SLC39A10: variants seen among roughly 807,000 people sequenced by gnomAD.
The protein encoded by SLC39A10 is solute carrier family 39 member 10.
Under a neutral mutation model 65.1 loss-of-function variants are expected in SLC39A10, and 13 were observed. The ratio of observed to expected loss-of-function variants is 0.20; its 90% CI spans 0.13 to 0.32. SLC39A10 has a LOEUF of 0.32. SLC39A10 is among the 10% of genes least tolerant of loss of function. SLC39A10 has a pLI of 1.00. For missense variants in SLC39A10, 831 were observed against 1,018.4 expected, an observed-to-expected ratio of 0.82 and a Z score of 2.50; for synonymous variants, 321 against 342.2, an observed-to-expected ratio of 0.94 and a Z score of 0.68.
Position 195,735,336 on chromosome 2 carries a change from CTT to C in SLC39A10, c.*297_*298del, listed in dbSNP as rs1692556543. 3 of 208,308 alleles carry C rather than the reference CTT, an allele frequency of 1.4e-5. No homozygotes were observed. Among genetic ancestry groups the C allele is most frequent in the East Asian group, 1.0e-4 (1 of 9,646 alleles). 12.9% of individuals were successfully genotyped at this position (208,308 alleles called of 1,614,324 possible). A position where few individuals can be genotyped will look rare whatever the true frequency, so the allele number is the denominator to read the frequency against. On this transcript the variant is annotated 3_prime_UTR_variant, in exon 10 of 10. Coordinates refer to ENST00000359634, the MANE Select transcript of SLC39A10 (RefSeq NM_020342.3). ...AAATAATCATATAAAACACTAGTCTCTTTATTAGTAGAAACTTCTGTGGCTAT... is the reference window on the plus strand; with the variant it reads ...AAATAATCATATAAAACACTAGTCTCTATTAGTAGAAACTTCTGTGGCTAT...
intron 2 of SLC39A10, among the ~76,000 whole-genome samples, chr2:195,629,147 G>A (rs1009412781): frequency 2.0e-5 from 3 of 152,078 alleles, no homozygotes; most frequent in Non-Finnish European, 4.4e-5. Flanking sequence ...CCAGCACTTT[G>A]GGAGGCCAAG....
In SLC39A10 at chr2:195,737,200, G is replaced by GTA. The variant is rs573068911; in HGVS notation, c.*2162_*2163dup. The GTA allele has an allele frequency of 6.6e-6, 1 of 152,612 alleles. No homozygotes were observed. Among genetic ancestry groups the GTA allele is most frequent in the Non-Finnish European group, 1.5e-5 (1 of 68,026 alleles). The allele number at this position is 152,612 out of a possible 1,614,324, so 9.5% of individuals were successfully genotyped here. A position where few individuals can be genotyped will look rare whatever the true frequency, so the allele number is the denominator to read the frequency against. ...TATTAGGGTTCCACATCATTCTAAT[G>GTA]TATAGTTTCAAGTCTTAATAGACAA... On this transcript the variant is annotated 3_prime_UTR_variant, in exon 10 of 10. Coordinates refer to ENST00000359634, the MANE Select transcript of SLC39A10 (RefSeq NM_020342.3).
At chr2:195,620,264 C>G (rs544905436) in intron 2 of SLC39A10, among the ~76,000 whole-genome samples, 1 of 152,176 alleles carries the variant, frequency 6.6e-6, no homozygotes, top group South Asian at 2.1e-4. Context: ...GGAGAACATT[C>G]AAAGAGCAAC....
At chr2:195,687,021 T>A (rs1690550509) in intron 3 of SLC39A10, among the ~76,000 whole-genome samples, 1 of 152,202 alleles carries the variant, frequency 6.6e-6, no homozygotes, top group Non-Finnish European at 1.5e-5. Context: ...AGTGGGGCTC[T>A]CTGGTAAGAT....
chr2:195,655,533 A>G (rs1037311560), upstream of SLC39A10, among the ~76,000 whole-genome samples: 1 of 152,246 alleles, frequency 6.6e-6, no homozygotes. Context: ...CACACAAAGG[A>G]TGTACTATCA....
At chr2:195,672,514 TA>T (rs1246729123) in intron 1 of SLC39A10, among the ~76,000 whole-genome samples, 1 of 151,954 alleles carries the variant, frequency 6.6e-6, no homozygotes, top group African/African-American at 2.4e-5. Flanking sequence ...CTTTAATAAA[TA>T]AAAAAAAGCA....
chr2:195,675,711 C>G (rs181391530), intron 1 of SLC39A10, among the ~76,000 whole-genome samples: 2 of 152,138 alleles, frequency 1.3e-5, no homozygotes, highest in African/African-American at 4.8e-5. Context: ...GGATTACAGG[C>G]GTGAGCCACC....
At chr2:195,690,641 A>T (rs561903162) in intron 3 of SLC39A10, among the ~76,000 whole-genome samples, 5 of 152,194 alleles carry the variant, frequency 3.3e-5, no homozygotes, top group African/African-American at 1.2e-4. Flanking sequence ...GCATCTTTTC[A>T]TGTGCTTTTT....
chr2:195,734,712 T>C (rs1350439067), intron 9 of SLC39A10, among the ~76,000 whole-genome samples, 171 bp from the exon 10 acceptor site: 1 of 152,230 alleles, frequency 6.6e-6, no homozygotes, highest in Non-Finnish European at 1.5e-5. Flanking sequence ...ATAAAATTTC[T>C]TCAGTATTTG....
At chr2:195,688,539 A>C (rs996771400) in intron 3 of SLC39A10, among the ~76,000 whole-genome samples, 1 of 152,214 alleles carries the variant, frequency 6.6e-6, no homozygotes, top group African/African-American at 2.4e-5. Flanking sequence ...GTGCTTTTAG[A>C]AAACTGAAGT....
chr2:195,664,690 G>C (rs1255516161), intron 1 of SLC39A10, among the ~76,000 whole-genome samples: 3 of 152,102 alleles, frequency 2.0e-5, no homozygotes, highest in African/African-American at 4.8e-5. Context: ...ATGTGAATGA[G>C]AGTGCTATGA....
chr2:195,624,333 G>A (rs1200966308), intron 2 of SLC39A10, among the ~76,000 whole-genome samples: 2 of 145,348 alleles, frequency 1.4e-5, no homozygotes, highest in Admixed American at 7.2e-5. Flanking sequence ...GTTACCGTGA[G>A]CCGAAATCGT....
intron 1 of SLC39A10, among the ~76,000 whole-genome samples, chr2:195,674,925 G>A (rs1389594743): frequency 5.3e-5 from 8 of 152,140 alleles, no homozygotes; most frequent in Non-Finnish European, 1.2e-4. Flanking sequence ...TTTAAAAATG[G>A]TACACCAGTG....
At chr2:195,616,526 C>T (rs1024490598) in intron 2 of SLC39A10, among the ~76,000 whole-genome samples, 4 of 150,782 alleles carry the variant, frequency 2.7e-5, no homozygotes, top group African/African-American at 4.9e-5. Context: ...AGGATGGTCT[C>T]GATCTCTTGA....
At chr2:195,670,194 C>G (rs1689801834) in intron 1 of SLC39A10, among the ~76,000 whole-genome samples, 1 of 149,012 alleles carries the variant, frequency 6.7e-6, no homozygotes, top group Non-Finnish European at 1.5e-5. Context: ...TAAGCTTTTA[C>G]AGGAGAAATT....
chr2:195,702,855 G>A (rs1034259770), intron 3 of SLC39A10, among the ~76,000 whole-genome samples: 1 of 152,184 alleles, frequency 6.6e-6, no homozygotes, highest in African/African-American at 2.4e-5. Flanking sequence ...GATGTCTGTG[G>A]TGTTGAGTAT....
chr2:195,682,662 C>A (rs1404680420), intron 2 of SLC39A10, among the ~76,000 whole-genome samples: 1 of 151,816 alleles, frequency 6.6e-6, no homozygotes, highest in African/African-American at 2.4e-5. Flanking sequence ...TTTTATTGTT[C>A]ATTTCCTCTT....
intron 2 of SLC39A10, among the ~76,000 whole-genome samples, chr2:195,640,120 T>C (rs1272958613): frequency 6.6e-6 from 1 of 152,180 alleles, no homozygotes; most frequent in Non-Finnish European, 1.5e-5. Flanking sequence ...ATGATGACTC[T>C]TGGGAGAGCA....
rs1264898923 is a variant in SLC39A10, at chr2:195,661,387, TAC to T, written c.-12+4108_-12+4109del. Reference sequence around the variant, plus strand: ...GTATGAAGAAATATAGAATCAAAATTACAGTTTTAAATAATAGTATGTATTTA... The same window carrying T: ...GTATGAAGAAATATAGAATCAAAATTAGTTTTAAATAATAGTATGTATTTA... On this transcript the variant is annotated intron_variant, in intron 1 of 9. Coordinates refer to ENST00000359634, the MANE Select transcript of SLC39A10 (RefSeq NM_020342.3). 2.6e-5 allele frequency among the ~76,000 whole-genome samples: 4 copies of T among 152,142 alleles called. No individual in the cohort carries two copies. The East Asian group carries it at 7.7e-4, about 29-fold the overall frequency.
Sources: allele counts gnomAD v4.1 joint callset (sites outside exome capture counted in the v4.1 genomes callset), GRCh38; gene constraint gnomAD v4.1.1; transcripts MANE v1.5; gene names NCBI Gene and HGNC (gene_info 2026-07-23, HGNC 2026-07-21).